The following DOCK4 variants were observed in gnomAD, a reference collection of about 807,000 sequenced individuals.
The protein encoded by DOCK4 is dedicator of cytokinesis 4.
Under a neutral mutation model 268.1 loss-of-function variants are expected in DOCK4, and 97 were observed. That is an observed-to-expected ratio of 0.36 (90% confidence interval 0.31 to 0.43). The LOEUF is 0.43. Among genes scored for constraint, DOCK4 ranks in the 20% least tolerant of loss-of-function variants. DOCK4 has a pLI of 1.00. For synonymous variants in DOCK4, 954 were observed against 887.2 expected (o/e 1.08, Z -1.34); for missense variants, 2,145 against 2,455.7 (o/e 0.87, Z 2.67).
chr7:111,751,519 A>G (rs1461136348), intron 42 of DOCK4, among the ~76,000 whole-genome samples: 1 of 151,438 alleles, frequency 6.6e-6, no homozygotes, highest in Non-Finnish European at 1.5e-5. Context: ...ATCTTGGCTC[A>G]CTGCAACCTC....
At chr7:111,982,613 A>G (rs997234977) in intron 7 of DOCK4, among the ~76,000 whole-genome samples, 4 of 152,238 alleles carry the variant, frequency 2.6e-5, no homozygotes, top group Admixed American at 2.0e-4. Flanking sequence ...TAAATAATAA[A>G]TCCAAGACCC....
At chr7:112,093,454 G>A (rs186532754) in intron 1 of DOCK4, among the ~76,000 whole-genome samples, 49 of 152,106 alleles carry the variant, frequency 3.2e-4, no homozygotes, top group African/African-American at 1.2e-3. Flanking sequence ...TAAAGGGGGG[G>A]GGAAACAATT....
At chr7:112,114,900 T>C (rs1012877384) in intron 1 of DOCK4, among the ~76,000 whole-genome samples, 1 of 152,174 alleles carries the variant, frequency 6.6e-6, no homozygotes, top group African/African-American at 2.4e-5. Context: ...CTTACAATTA[T>C]CATGAAAATA....
chr7:111,756,058 T>A (rs1272267601), intron 41 of DOCK4, among the ~76,000 whole-genome samples: 9 of 152,090 alleles, frequency 5.9e-5, no homozygotes, highest in African/African-American at 1.9e-4. Context: ...ATGTTAAGGA[T>A]GAGGACACAG....
intron 1 of DOCK4, among the ~76,000 whole-genome samples, chr7:112,201,119 A>G (rs1820895113): frequency 6.6e-6 from 1 of 152,190 alleles, no homozygotes; most frequent in Admixed American, 6.5e-5. Context: ...ACTAAGAGTA[A>G]AGGAAACACA....
intron 24 of DOCK4, among the ~76,000 whole-genome samples, chr7:111,846,751 A>G (rs1278741560): frequency 6.6e-6 from 1 of 152,124 alleles, no homozygotes; most frequent in Non-Finnish European, 1.5e-5. Flanking sequence ...GAGATTTCTC[A>G]TTTTTCTCAC....
At position 112,142,422 on chromosome 7, in the gene DOCK4, T is replaced by C. The variant is rs1446653212; in HGVS notation, c.37+63680A>G. On this transcript the variant is annotated intron_variant, in intron 1 of 52. Transcript: ENST00000428084. ...CAAGACATGTTGACTGTCTAACCCA[T>C]GCAGAAGAGCCAAGAATTCAACTGA... Among the ~76,000 whole-genome samples the C allele has an allele frequency of 3.3e-5, 5 of 152,156 alleles. No individual in the cohort carries two copies. The East Asian group carries it at 9.6e-4, about 29-fold the overall frequency.
Position 111,839,242 on chromosome 7 carries a change from C to G in DOCK4, c.2737-4556G>C, listed in dbSNP as rs148166164. On this transcript the variant is annotated intron_variant, in intron 25 of 52. Coordinates refer to ENST00000428084, the MANE Select transcript of DOCK4 (RefSeq NM_001363540.2). Reference sequence around the variant, plus strand: ...TATACTTGAATTCATCAGTTGATAACTAAGGTTCATACTTTTTTACCTTTC... The same window carrying G: ...TATACTTGAATTCATCAGTTGATAAGTAAGGTTCATACTTTTTTACCTTTC... Among the ~76,000 whole-genome samples, 1,074 of 152,274 alleles carry G rather than the reference C, an allele frequency of 7.1e-3. 17 individuals carry two copies. Among genetic ancestry groups the G allele is most frequent in the African/African-American group, 0.025 (1,034 of 41,566 alleles).
intron 1 of DOCK4, among the ~76,000 whole-genome samples, chr7:112,062,220 T>A (rs952354039): frequency 2.6e-5 from 4 of 152,180 alleles, no homozygotes; most frequent in Non-Finnish European, 5.9e-5. Context: ...ACCACCACTT[T>A]TCCTCCCACC....
At chr7:111,735,604 A>G (rs576105725) in intron 50 of DOCK4, among the ~76,000 whole-genome samples, 1 of 152,366 alleles carries the variant, frequency 6.6e-6, no homozygotes, top group East Asian at 1.9e-4. Flanking sequence ...GGGAAAGAAC[A>G]GCCATGCAAT....
At chr7:111,914,337 T>C (rs1792402664) in intron 13 of DOCK4, among the ~76,000 whole-genome samples, 1 of 152,206 alleles carries the variant, frequency 6.6e-6, no homozygotes, top group Admixed American at 6.5e-5. Flanking sequence ...CCAGGTATAA[T>C]CTCTATACAG....
chr7:111,819,437 G>A (rs1403439540), intron 27 of DOCK4: 1 of 152,172 alleles, frequency 6.6e-6, no homozygotes, highest in Non-Finnish European at 1.5e-5. Context: ...TCATGAGATA[G>A]CTCTACAGCA....
At chr7:111,818,507 C>T (rs1801732664) in intron 27 of DOCK4, among the ~76,000 whole-genome samples, 2 of 152,204 alleles carry the variant, frequency 1.3e-5, no homozygotes, top group African/African-American at 4.8e-5. Flanking sequence ...CTCTCCCACC[C>T]ACACCCAGTC....
chr7:112,038,910 G>A (rs951940308), intron 1 of DOCK4, among the ~76,000 whole-genome samples: 4 of 152,240 alleles, frequency 2.6e-5, no homozygotes, highest in African/African-American at 7.2e-5. Flanking sequence ...GACCAATGTC[G>A]CTATCTTCTA....
intron 5 of DOCK4, among the ~76,000 whole-genome samples, chr7:111,993,280 G>A (rs141959516): frequency 1.3e-5 from 2 of 152,300 alleles, no homozygotes; most frequent in East Asian, 3.9e-4. Flanking sequence ...ATAAGCACAC[G>A]TTTGTATTTT....
chr7:111,730,783 A>AT (rs1339963894), intron 52 of DOCK4, among the ~76,000 whole-genome samples: 3 of 152,210 alleles, frequency 2.0e-5, no homozygotes, highest in Admixed American at 2.0e-4. Flanking sequence ...CAAACCCTAC[A>AT]TATAAAGACA....
At chr7:111,839,446 T>G (rs1285397596) in intron 25 of DOCK4, among the ~76,000 whole-genome samples, 1 of 152,164 alleles carries the variant, frequency 6.6e-6, no homozygotes, top group Non-Finnish European at 1.5e-5. Context: ...TATGCTGAAG[T>G]GGGAAAAATG....
At chr7:112,199,021 C>T (rs1402189521) in intron 1 of DOCK4, among the ~76,000 whole-genome samples, 1 of 152,152 alleles carries the variant, frequency 6.6e-6, no homozygotes, top group Non-Finnish European at 1.5e-5. Flanking sequence ...TATTTTGTCA[C>T]ATAAACTTTA....
chr7:111,751,795 G>T (rs980130066), intron 42 of DOCK4, among the ~76,000 whole-genome samples: 1 of 151,774 alleles, frequency 6.6e-6, no homozygotes, highest in African/African-American at 2.4e-5. Flanking sequence ...GACTGTCACC[G>T]AGGCTAGAGT....
Sources: gnomAD v4.1 joint callset for allele counts (sites outside exome capture counted in the v4.1 genomes callset) on GRCh38, gnomAD v4.1.1 for gene constraint, MANE v1.5 for transcripts, NCBI Gene and HGNC (gene_info 2026-07-23, HGNC 2026-07-21) for gene names.